Variants in DENND5B observed in about 807,000 individuals in gnomAD.
DENND5B encodes DENN domain containing 5B.
A neutral mutation model predicts 140.6 loss-of-function variants in DENND5B; 34 were observed. That is an observed-to-expected ratio of 0.24 (90% CI 0.18 to 0.32). DENND5B has a LOEUF of 0.32. Ranked by LOEUF, DENND5B falls within the 10% of genes least tolerant of loss-of-function variation. The pLI is 1.00. For missense variants in DENND5B, 1,142 were observed against 1,560.2 expected, an observed-to-expected ratio of 0.73 and a Z score of 4.52; for synonymous variants, 551 against 562.1, an observed-to-expected ratio of 0.98 and a Z score of 0.28.
chr12:31,545,020 G>C (rs994858151), intron 1 of DENND5B, among the ~76,000 whole-genome samples: 1 of 151,766 alleles, frequency 6.6e-6, no homozygotes, highest in Non-Finnish European at 1.5e-5. Flanking sequence ...CAAAGGGAAG[G>C]GGAATCAGTT....
chr12:31,412,957 G>A (rs1484244517), intron 13 of DENND5B, among the ~76,000 whole-genome samples: 1 of 151,802 alleles, frequency 6.6e-6, no homozygotes, highest in Non-Finnish European at 1.5e-5. Flanking sequence ...GTCTTGCACT[G>A]TCGCCCAGAC....
chr12:31,545,185 G>C (rs1379916521), intron 1 of DENND5B, among the ~76,000 whole-genome samples: 1 of 152,058 alleles, frequency 6.6e-6, no homozygotes, highest in Non-Finnish European at 1.5e-5. Context: ...ACAAAAAGAT[G>C]ATGTTAGCAG....
chr12:31,383,394 AAC>A lies in DENND5B; in HGVS notation c.*4207_*4208del, dbSNP rs1940713687. 3 of 152,286 alleles carry A rather than the reference AAC, an allele frequency of 2.0e-5. No homozygotes were observed. The highest frequency in any genetic ancestry group is 1.9e-4 in the East Asian group (1 of 5,186). 9.4% of individuals were successfully genotyped at this position (152,286 alleles called of 1,614,324 possible). On this transcript the variant is annotated 3_prime_UTR_variant, in exon 21 of 21. Transcript: ENST00000389082. Reference sequence around the variant, plus strand: ...CTCTTTTTCACTTACATTTACATATAACAGTGCTTTATTGCCAAAAAAGGAAA... The same window carrying A: ...CTCTTTTTCACTTACATTTACATATAAGTGCTTTATTGCCAAAAAAGGAAA...
At chr12:31,407,127 A>T (rs71455663) in intron 14 of DENND5B, among the ~76,000 whole-genome samples, 18,725 of 150,732 alleles carry the variant, frequency 0.12, 1,434 homozygotes, top group Non-Finnish European at 0.17. Flanking sequence ...TTAATTAATT[A>T]ATTTATTTAT....
chr12:31,451,885 A>C, intron 5 of DENND5B, 55 bp downstream of exon 5: 3 of 1,566,784 alleles, frequency 1.9e-6, no homozygotes, highest in Non-Finnish European at 2.6e-6. Context: ...AAAAATGTTA[A>C]AATCAATAAT....
intron 2 of DENND5B, among the ~76,000 whole-genome samples, chr12:31,495,401 C>T (rs1565636835): frequency 2.1e-4 from 2 of 9,446 alleles, no homozygotes; most frequent in Non-Finnish European, 3.4e-4. Flanking sequence ...TTTTTTGAGA[C>T]AGAGTCTCGC....
At chr12:31,396,864 T>C (rs1157702926) in intron 17 of DENND5B, among the ~76,000 whole-genome samples, 1 of 152,170 alleles carries the variant, frequency 6.6e-6, no homozygotes, top group Admixed American at 6.6e-5. Flanking sequence ...TCAAGTGATC[T>C]GCCCACTTCG....
At chr12:31,431,083 A>C (rs1282510276) in intron 8 of DENND5B, among the ~76,000 whole-genome samples, 1 of 152,254 alleles carries the variant, frequency 6.6e-6, no homozygotes, top group East Asian at 1.9e-4. Flanking sequence ...TTTATAATAC[A>C]GTCTAGAAGT....
chr12:31,569,419 G>GA (rs1949739782), intron 1 of DENND5B, among the ~76,000 whole-genome samples: 1 of 152,132 alleles, frequency 6.6e-6, no homozygotes, highest in African/African-American at 2.4e-5. Flanking sequence ...CAAAAAGTAG[G>GA]AGCAGTGAGC....
intron 17 of DENND5B, among the ~76,000 whole-genome samples, chr12:31,395,648 C>T (rs537495326): frequency 4.6e-5 from 7 of 152,172 alleles, no homozygotes; most frequent in South Asian, 4.1e-4. Context: ...AGTTAATACA[C>T]AATCATGTGC....
intron 8 of DENND5B, among the ~76,000 whole-genome samples, chr12:31,429,595 G>C (rs867231779): frequency 1.3e-4 from 20 of 151,852 alleles, no homozygotes; most frequent in Middle Eastern, 3.4e-3. Context: ...TTTTAGTAGA[G>C]ACGGGGTTTC....
chr12:31,524,835 G>A (rs1676125302), intron 1 of DENND5B, among the ~76,000 whole-genome samples: 1 of 152,116 alleles, frequency 6.6e-6, no homozygotes, highest in Admixed American at 6.6e-5. Context: ...TATCATCTGA[G>A]AGCCCTACTC....
At chr12:31,532,339 A>T (rs1948315918) in intron 1 of DENND5B, among the ~76,000 whole-genome samples, 1 of 152,190 alleles carries the variant, frequency 6.6e-6, no homozygotes, top group South Asian at 2.1e-4. Context: ...GGGCAAAGAT[A>T]CAGGAAGAGA....
rs143241018 is a variant in DENND5B, at chr12:31,495,794, GAA to G, written c.237+14_237+15del. 1.3e-6 allele frequency: 2 copies of G among 1,573,840 alleles called. No individual in the cohort carries two copies. The highest frequency in any genetic ancestry group is 3.6e-5 in the Admixed American group (2 of 55,238). The stretch of plus-strand genomic sequence containing the variant: ...AACAAGGCTAAAGAGTAAATGAGGG[GAA>G]AAAAAACACATACCATGTTCACCGC... On this transcript the variant is annotated intron_variant, in intron 2 of 20. Coordinates refer to ENST00000389082, the MANE Select transcript of DENND5B (RefSeq NM_144973.4).
intron 1 of DENND5B, among the ~76,000 whole-genome samples, chr12:31,543,937 C>A (rs1157548545): frequency 6.6e-6 from 1 of 152,120 alleles, no homozygotes; most frequent in Non-Finnish European, 1.5e-5. Flanking sequence ...GGGAGGCCAG[C>A]CAGATCACTT....
chr12:31,428,320 T>C (rs2137772734), intron 8 of DENND5B, among the ~76,000 whole-genome samples: 1 of 148,226 alleles, frequency 6.7e-6, no homozygotes, highest in African/African-American at 2.5e-5. Flanking sequence ...CCAGCCTAGG[T>C]GACAAAAGCA....
chr12:31,580,311 A>G (rs1405753921), intron 1 of DENND5B, among the ~76,000 whole-genome samples: 1 of 152,134 alleles, frequency 6.6e-6, no homozygotes, highest in African/African-American at 2.4e-5. Flanking sequence ...ACCGTATCTT[A>G]TTTGAAGAGG....
rs1943239443 is a variant in DENND5B at position 31,426,440 on chromosome 12, G to A, written c.2107-16C>T. ...GCATATATTTCTAAAAAATCAAGGA[G>A]TATTTTTAATGCGTAAACATTAGCT... is the stretch of plus-strand genomic sequence containing the variant. On this transcript the variant is annotated splice_polypyrimidine_tract_variant and intron_variant, in intron 8 of 20. Transcript: ENST00000389082. The A allele has an allele frequency of 6.2e-7, 1 of 1,603,998 alleles. No individual in the cohort carries two copies. Among genetic ancestry groups the A allele is most frequent in the African/African-American group, 1.3e-5 (1 of 74,588 alleles).
At chr12:31,552,118 A>T (rs1308577225) in intron 1 of DENND5B, among the ~76,000 whole-genome samples, 2 of 152,166 alleles carry the variant, frequency 1.3e-5, no homozygotes, top group Non-Finnish European at 2.9e-5. Context: ...AGGAGTCGTG[A>T]GAGAGGGCAT....
Sources: gnomAD v4.1 joint callset for allele counts (sites outside exome capture counted in the v4.1 genomes callset) on GRCh38, gnomAD v4.1.1 for gene constraint, MANE v1.5 for transcripts, NCBI Gene and HGNC (gene_info 2026-07-23, HGNC 2026-07-21) for gene names.